AGO1: variants seen among roughly 807,000 people sequenced by gnomAD.
The protein encoded by AGO1 is argonaute RISC component 1, also known as protein argonaute-1.
A neutral mutation model predicts 109.2 loss-of-function variants in AGO1; 11 were observed. That is an observed-to-expected ratio of 0.10 (90% CI 0.06 to 0.17). The LOEUF is 0.17. Among genes scored for constraint, AGO1 ranks in the 10% least tolerant of loss-of-function variants. The pLI, the probability that AGO1 is intolerant of heterozygous loss-of-function variation, is 1.00. For synonymous variants in AGO1, 422 were observed against 418.6 expected, an observed-to-expected ratio of 1.01 and a Z score of -0.10; for missense variants, 574 against 1,140.3, an observed-to-expected ratio of 0.50 and a Z score of 7.15.
At chr1:35,887,438 A>C (rs1645139032) in intron 1 of AGO1, among the ~76,000 whole-genome samples, 1 of 152,140 alleles carries the variant, frequency 6.6e-6, no homozygotes, top group Admixed American at 6.5e-5. Context: ...CCAGACTGGC[A>C]AAAGAGGGTA....
chr1:35,881,546 T>A (rs1344600364), upstream of AGO1, among the ~76,000 whole-genome samples: 1 of 152,214 alleles, frequency 6.6e-6, no homozygotes, highest in Non-Finnish European at 1.5e-5. Flanking sequence ...GGTCTTGAAC[T>A]CCTGACCTCA....
In AGO1 at chr1:35,892,540, A is replaced by G; in HGVS notation, c.210-17A>G. 2 of 1,614,050 alleles carry G rather than the reference A, an allele frequency of 1.2e-6. No homozygotes were observed. The highest frequency in any genetic ancestry group is 8.5e-7 in the Non-Finnish European group (1 of 1,179,988). On this transcript the variant is annotated splice_polypyrimidine_tract_variant and intron_variant, in intron 2 of 18. Coordinates refer to ENST00000373204, the MANE Select transcript of AGO1 (RefSeq NM_012199.5). ...GGTAGTCTCTCAGCTTCCACAGGCC[A>G]CTCCTATCCCCCACAGGGAAGTGGT...
Position 35,919,232 on chromosome 1 carries a change from C to G in AGO1, c.2443C>G (p.Leu815Val), listed in dbSNP as rs776181658. The stretch of plus-strand genomic sequence containing the variant: ...GGTGGCTTTCCGGGCACGATACCAC[C>G]TGGTGGACAAGGAGCATGACAGGTG... ...RLVAFRARYH[L>V]VDKEHDSGEG... Residue 815 changes from leucine (L) to valine (V), a missense_variant, in exon 18 of 19, where the codon CTG becomes GTG. Transcript: ENST00000373204. The surrounding 1 kb of genome is among the most constrained non-coding windows in gnomAD (Gnocchi z 6.6). 3 of 1,613,868 alleles carry G rather than the reference C, an allele frequency of 1.9e-6. No homozygotes were observed. Among genetic ancestry groups the G allele is most frequent in the Non-Finnish European group, 2.5e-6 (3 of 1,179,962 alleles).
rs374026186 is a variant in AGO1 at position 35,883,451 on chromosome 1, G to A, written c.25+5G>A. 17 of 1,557,844 alleles carry A rather than the reference G, an allele frequency of 1.1e-5. No homozygotes were observed. In the African/African-American group the frequency reaches 1.4e-4, roughly 13 times the overall value. On this transcript the variant is annotated splice_donor_5th_base_variant and intron_variant, in intron 1 of 18. Coordinates refer to ENST00000373204, the MANE Select transcript of AGO1 (RefSeq NM_012199.5). The surrounding 1 kb of genome is among the most constrained non-coding windows in gnomAD (Gnocchi z 5.4). ...AAGCGGGACCCTCGGGAGCAGGTAA[G>A]GGTCCCCAGGAGGGGGAACGGTGCA... is the stretch of plus-strand genomic sequence containing the variant.
chr1:35,929,379 C>T lies in AGO1; in HGVS notation c.*9772C>T, dbSNP rs1301734060. 1 of 152,342 alleles carries T rather than the reference C, an allele frequency of 6.6e-6. No homozygotes were observed. Among genetic ancestry groups the T allele is most frequent in the South Asian group, 2.1e-4 (1 of 4,828 alleles). The allele number at this position is 152,342 out of a possible 1,614,324, so 9.4% of individuals were successfully genotyped here. A position where few individuals can be genotyped will look rare whatever the true frequency, so the allele number is the denominator to read the frequency against. On this transcript the variant is annotated 3_prime_UTR_variant, in exon 19 of 19. Coordinates refer to ENST00000373204, the MANE Select transcript of AGO1 (RefSeq NM_012199.5). Reference sequence around the variant, plus strand: ...TCAGAGGGTGTAAATTCTGCTCCATCAATGTTGAAAAAGACTAGCCCACCC... The same window carrying T: ...TCAGAGGGTGTAAATTCTGCTCCATTAATGTTGAAAAAGACTAGCCCACCC...
At chr1:35,876,215 A>C (rs890257281) in intron 1 of AGO1, among the ~76,000 whole-genome samples, 1 of 152,214 alleles carries the variant, frequency 6.6e-6, no homozygotes, top group Non-Finnish European at 1.5e-5. Context: ...GAATTGCTCA[A>C]ATCTCATGAT....
intron 1 of AGO1, among the ~76,000 whole-genome samples, chr1:35,875,770 T>C (rs1004761949): frequency 1.3e-5 from 2 of 152,166 alleles, no homozygotes; most frequent in African/African-American, 4.8e-5. Context: ...AAAAGAGTTC[T>C]TTCAAAATAT....
intron 11 of AGO1, among the ~76,000 whole-genome samples, chr1:35,904,391 C>T (rs1303547157): frequency 6.6e-6 from 1 of 152,184 alleles, no homozygotes; most frequent in South Asian, 2.1e-4. Flanking sequence ...AGGCGTGAGC[C>T]ATCGTGCCTG....
At chr1:35,880,035 C>T (rs189256764), upstream of AGO1, among the ~76,000 whole-genome samples, 1 of 152,194 alleles carries the variant, frequency 6.6e-6, no homozygotes, top group East Asian at 1.9e-4. Flanking sequence ...TTTCTGAGAC[C>T]TTTGAGAGTT....
In AGO1 at chr1:35,902,049, C is replaced by A; in HGVS notation, c.1242C>A (p.Pro414=). ...TEVTGRVLPA[P]ILQYGGRNRA... ...TGACAGGGCGAGTGCTGCCGGCGCC[C>A]ATCTTGCAGTACGGCGGCCGGGTGA... is the stretch of plus-strand genomic sequence containing the variant. The change falls in exon 10 of 19, where the codon CCC becomes CCA. Residue 414 remains proline (P), a synonymous_variant. Coordinates refer to ENST00000373204, the MANE Select transcript of AGO1 (RefSeq NM_012199.5). The A allele has an allele frequency of 6.2e-7, 1 of 1,607,962 alleles. No individual in the cohort carries two copies. Among genetic ancestry groups the A allele is most frequent in the Non-Finnish European group, 8.5e-7 (1 of 1,177,234 alleles).
intron 14 of AGO1, 90 bp downstream of exon 14, chr1:35,914,364 C>A: frequency 1.9e-6 from 2 of 1,029,874 alleles, no homozygotes; most frequent in Non-Finnish European, 3.0e-6. Context: ...TCAGCTCTGG[C>A]TCTTGAGCCT....
upstream of AGO1, chr1:35,883,167 T>C: frequency 1.7e-6 from 2 of 1,143,472 alleles, no homozygotes; most frequent in Non-Finnish European, 2.1e-6. The surrounding 1 kb of genome is among the most constrained non-coding windows in gnomAD (Gnocchi z 5.4). Flanking sequence ...CCCGCTTGAC[T>C]CGTTCCGGTC....
chr1:35,896,663 TCTTA>T (rs1645326066), intron 8 of AGO1, among the ~76,000 whole-genome samples: 1 of 152,110 alleles, frequency 6.6e-6, no homozygotes, highest in Admixed American at 6.5e-5. Flanking sequence ...TGGCCTACCC[TCTTA>T]CTTTTATCCA....
chr1:35,876,741 C>T (rs541368582), intron 1 of AGO1, among the ~76,000 whole-genome samples: 3 of 152,156 alleles, frequency 2.0e-5, no homozygotes, highest in Non-Finnish European at 4.4e-5. Context: ...GAGGGAAGTT[C>T]TACTGTGGGT....
intron 8 of AGO1, among the ~76,000 whole-genome samples, chr1:35,900,977 A>G (rs1462856069): frequency 6.7e-6 from 1 of 150,296 alleles, no homozygotes; most frequent in Non-Finnish European, 1.5e-5. Flanking sequence ...AAGCGGTTGA[A>G]TTGCCCTTTT....
intron 8 of AGO1, among the ~76,000 whole-genome samples, chr1:35,900,288 A>G (rs1044724412): frequency 1.3e-5 from 2 of 152,230 alleles, no homozygotes; most frequent in African/African-American, 2.4e-5. Context: ...GTTGTTCAGT[A>G]TTCAGAAGAG....
intron 2 of AGO1, among the ~76,000 whole-genome samples, chr1:35,891,798 C>T (rs75858012): frequency 0.055 from 8,361 of 152,116 alleles, 312 homozygotes; most frequent in Non-Finnish European, 0.085. Context: ...CTTGGGAGCT[C>T]AAGCAAATTG....
At position 35,888,655 on chromosome 1, in the gene AGO1, C is replaced by T. The variant is rs1645160510; in HGVS notation, c.209+45C>T. On this transcript the variant is annotated intron_variant, in intron 2 of 18. Coordinates refer to ENST00000373204, the MANE Select transcript of AGO1 (RefSeq NM_012199.5). The surrounding 1 kb of genome is among the most constrained non-coding windows in gnomAD (Gnocchi z 4.1). ...GCCACCAAATCTGAAAGACACCAAC[C>T]TTGAAAGAGGGGCCAGAAAGGTAAA... 1.2e-6 allele frequency: 2 copies of T among 1,601,768 alleles called. No individual in the cohort carries two copies. Among genetic ancestry groups the T allele is most frequent in the African/African-American group, 1.3e-5 (1 of 74,512 alleles).
chr1:35,916,798 C>A (rs1486069606), intron 15 of AGO1, among the ~76,000 whole-genome samples: 1 of 152,224 alleles, frequency 6.6e-6, no homozygotes, highest in African/African-American at 2.4e-5. Context: ...CTTAGCAAAG[C>A]AATCAGTAGT....
Sources: gnomAD v4.1 joint callset for allele counts (sites outside exome capture counted in the v4.1 genomes callset) on GRCh38, gnomAD v4.1.1 for gene constraint, Gnocchi (gnomAD v3.1) non-coding constraint, MANE v1.5 for transcripts, NCBI Gene and HGNC (gene_info 2026-07-23, HGNC 2026-07-21) for gene names.